Variants in RASGEF1A observed in about 807,000 individuals in gnomAD.
RASGEF1A encodes RasGEF domain family member 1A.
A neutral mutation model predicts 56.4 loss-of-function variants in RASGEF1A; 18 were observed. The observed-to-expected ratio is 0.32, with a 90% CI of 0.22 to 0.47. RASGEF1A has a LOEUF of 0.47. Ranked by LOEUF, RASGEF1A falls within the 20% of genes least tolerant of loss-of-function variation. The probability of loss-of-function intolerance (pLI) is 1.00; values close to 1 mark genes in which losing one functional copy is unlikely to be tolerated. For missense variants in RASGEF1A, 422 were observed against 627.1 expected, an observed-to-expected ratio of 0.67 and a Z score of 3.49; for synonymous variants, 245 against 242.6, an observed-to-expected ratio of 1.01 and a Z score of -0.09.
chr10:43,213,239 G>A (rs192525215), intron 1 of RASGEF1A, among the ~76,000 whole-genome samples: 109 of 151,568 alleles, frequency 7.2e-4, no homozygotes, highest in African/African-American at 2.5e-3. Context: ...AAATGTTTCC[G>A]ACACATAGAA....
chr10:43,212,526 G>A (rs1180046315), intron 1 of RASGEF1A, among the ~76,000 whole-genome samples: 2 of 152,176 alleles, frequency 1.3e-5, no homozygotes, highest in African/African-American at 4.8e-5. Context: ...GTCGGCCTGG[G>A]GCAGTTCCTC....
chr10:43,231,265 C>T (rs1840363233), intron 1 of RASGEF1A, among the ~76,000 whole-genome samples: 1 of 152,258 alleles, frequency 6.6e-6, no homozygotes, highest in Non-Finnish European at 1.5e-5. Context: ...CCTGTCCCTT[C>T]AGGTGGCTTC....
chr10:43,243,570 G>A (rs1335725543), intron 1 of RASGEF1A, among the ~76,000 whole-genome samples: 1 of 150,558 alleles, frequency 6.6e-6, no homozygotes, highest in East Asian at 2.0e-4. Flanking sequence ...CGTCTGGGAG[G>A]TGAGGGGCGC....
intron 1 of RASGEF1A, among the ~76,000 whole-genome samples, chr10:43,233,544 T>C (rs2133212724): frequency 6.6e-6 from 1 of 152,256 alleles, no homozygotes; most frequent in East Asian, 1.9e-4. Flanking sequence ...CCATGACTCA[T>C]CTGGGAAAGG....
intron 1 of RASGEF1A, among the ~76,000 whole-genome samples, chr10:43,243,483 C>T (rs1163914036): frequency 6.7e-6 from 1 of 150,368 alleles, no homozygotes; most frequent in Non-Finnish European, 1.5e-5. Flanking sequence ...TACCCGGCCG[C>T]CACCCCATCT....
At chr10:43,252,320 C>G (rs1191258290) in intron 1 of RASGEF1A, among the ~76,000 whole-genome samples, 1 of 152,198 alleles carries the variant, frequency 6.6e-6, no homozygotes, top group African/African-American at 2.4e-5. Context: ...AGCAGACAGA[C>G]CAGCACACCC....
At chr10:43,222,952 G>A (rs1840226635) in intron 1 of RASGEF1A, among the ~76,000 whole-genome samples, 1 of 152,192 alleles carries the variant, frequency 6.6e-6, no homozygotes, top group Non-Finnish European at 1.5e-5. Flanking sequence ...TCTGGTATTA[G>A]AATGTTGTGC....
At chr10:43,257,952 G>A (rs1157223525) in intron 1 of RASGEF1A, among the ~76,000 whole-genome samples, 1 of 152,222 alleles carries the variant, frequency 6.6e-6, no homozygotes, top group Non-Finnish European at 1.5e-5. Context: ...GCGAGGCAGG[G>A]GAAGGCAGCT....
intron 1 of RASGEF1A, among the ~76,000 whole-genome samples, chr10:43,264,751 C>A (rs1836594127): frequency 6.6e-6 from 1 of 152,018 alleles, no homozygotes; most frequent in Non-Finnish European, 1.5e-5. Context: ...CACCTACCCC[C>A]AGCAGCCCAG....
chr10:43,215,708 AC>A (rs1191034974), intron 1 of RASGEF1A, among the ~76,000 whole-genome samples: 3 of 152,260 alleles, frequency 2.0e-5, no homozygotes, highest in African/African-American at 7.2e-5. Flanking sequence ...CTGGAGATAC[AC>A]CAGGGGAAAA....
intron 1 of RASGEF1A, chr10:43,206,675 C>G (rs1840000861): frequency 7.1e-6 from 7 of 988,074 alleles, no homozygotes; most frequent in Non-Finnish European, 8.4e-6. Flanking sequence ...GCACAGTGGT[C>G]TGACTTACGG....
rs114640994 is a variant in RASGEF1A at position 43,210,171 on chromosome 10, C to A, written c.-6-4049G>T. 5.2e-3 allele frequency among the ~76,000 whole-genome samples: 791 copies of A among 152,336 alleles called. 7 individuals are homozygous for A. Among genetic ancestry groups the A allele is most frequent in the African/African-American group, 0.017 (715 of 41,562 alleles). ...AACCTCAGCCTCCAGGTAAGCTGCA[C>A]CGGCTAACTCAGAGCAGGGGCCTGG... On this transcript the variant is annotated intron_variant, in intron 1 of 12. Coordinates refer to ENST00000395810, the MANE Select transcript of RASGEF1A (RefSeq NM_145313.4).
intron 1 of RASGEF1A, among the ~76,000 whole-genome samples, chr10:43,230,912 C>T (rs868360747): frequency 8.5e-5 from 13 of 152,224 alleles, no homozygotes; most frequent in Non-Finnish European, 1.5e-4. Context: ...ACTGGCCTCC[C>T]TCAAGCCAGC....
chr10:43,255,956 C>T (rs1840683286), intron 1 of RASGEF1A, among the ~76,000 whole-genome samples: 1 of 152,222 alleles, frequency 6.6e-6, no homozygotes, highest in South Asian at 2.1e-4. Flanking sequence ...CCTTCCTCCC[C>T]TGGTTGCCAA....
Position 43,203,436 on chromosome 10 carries a change from GGA to G in RASGEF1A, c.199-18_199-17del, listed in dbSNP as rs1180310480. The stretch of plus-strand genomic sequence containing the variant: ...TGTACGTCCTCTGAAGGCAGGAGAC[GGA>G]GAGAGGGCGGAGGGAGGGTGAGGCA... On this transcript the variant is annotated splice_polypyrimidine_tract_variant and intron_variant, in intron 2 of 12. Coordinates refer to ENST00000395810, the MANE Select transcript of RASGEF1A (RefSeq NM_145313.4). The G allele has an allele frequency of 6.6e-7, 1 of 1,525,260 alleles. No individual in the cohort carries two copies. The highest frequency in any genetic ancestry group is 8.8e-7 in the Non-Finnish European group (1 of 1,130,250). 94.5% of individuals were successfully genotyped at this position (1,525,260 alleles called of 1,614,324 possible).
At chr10:43,245,155 G>A (rs1840555389) in intron 1 of RASGEF1A, among the ~76,000 whole-genome samples, 1 of 152,034 alleles carries the variant, frequency 6.6e-6, no homozygotes, top group South Asian at 2.1e-4. Context: ...GCACTATAAG[G>A]GAATACTATG....
At chr10:43,234,075 G>C (rs146980250) in intron 1 of RASGEF1A, among the ~76,000 whole-genome samples, 2 of 152,342 alleles carry the variant, frequency 1.3e-5, no homozygotes, top group Non-Finnish European at 2.9e-5. Context: ...TGCTGCCCTG[G>C]GGAAGGGGCT....
intron 1 of RASGEF1A, among the ~76,000 whole-genome samples, chr10:43,256,650 T>A (rs1836413441): frequency 6.6e-6 from 1 of 152,050 alleles, no homozygotes; most frequent in African/African-American, 2.4e-5. Context: ...CCCCACACAG[T>A]CTCCCGTCCC....
rs1201546967 is a variant in RASGEF1A at position 43,200,868 on chromosome 10, C to A, written c.480G>T (p.Lys160Asn). 2 of 1,613,988 alleles carry A rather than the reference C, an allele frequency of 1.2e-6. No individual in the cohort carries two copies. The highest frequency in any genetic ancestry group is 1.1e-5 in the South Asian group (1 of 91,090). The part of the protein sequence containing the change: ...QCDEENGTVK[K>N]AIAQMTQSLL... ...GGCTCTGTGTCATCTGGGCAATGGC[C>A]TTCTTCACTGTGCCATTCTCCTGTG... Residue 160 changes from lysine to asparagine, a missense_variant, in exon 5 of 13, where the codon AAG becomes AAT. By Grantham distance (94) the Lys-to-Asn change is moderately conservative (BLOSUM62 0). Transcript: ENST00000395810.
Sources: allele counts gnomAD v4.1 joint callset (sites outside exome capture counted in the v4.1 genomes callset), GRCh38; gene constraint gnomAD v4.1.1; transcripts MANE v1.5; gene names NCBI Gene and HGNC (gene_info 2026-07-23, HGNC 2026-07-21).